DLG2: variants seen among roughly 807,000 people sequenced by gnomAD.
DLG2 encodes discs large MAGUK scaffold protein 2.
Under a neutral mutation model 132.5 loss-of-function variants are expected in DLG2, and 45 were observed. The observed-to-expected ratio is 0.34, with a 90% CI of 0.27 to 0.44. The LOEUF is 0.44. Among genes scored for constraint, DLG2 ranks in the 20% least tolerant of loss-of-function variants. The pLI, the probability that DLG2 is intolerant of heterozygous loss-of-function variation, is 1.00. For synonymous variants in DLG2, 424 were observed against 419.6 expected, an observed-to-expected ratio of 1.01 and a Z score of -0.13; for missense variants, 1,045 against 1,196.9, an observed-to-expected ratio of 0.87 and a Z score of 1.87.
At chr11:85,538,070 C>A (rs1032383973) in intron 3 of DLG2, among the ~76,000 whole-genome samples, 1 of 151,830 alleles carries the variant, frequency 6.6e-6, no homozygotes, top group African/African-American at 2.4e-5. Flanking sequence ...GAGCCGAGAT[C>A]GCGCCACTGC....
intron 3 of DLG2, among the ~76,000 whole-genome samples, chr11:85,478,944 T>C (rs1370517062): frequency 1.3e-5 from 2 of 152,118 alleles, no homozygotes; most frequent in Non-Finnish European, 2.9e-5. Flanking sequence ...AACATAAAAA[T>C]GTTACCCTTA....
At chr11:84,971,956 C>T (rs535147677) in intron 6 of DLG2, among the ~76,000 whole-genome samples, 2 of 152,188 alleles carry the variant, frequency 1.3e-5, no homozygotes, top group African/African-American at 4.8e-5. Flanking sequence ...AGGCACTTTG[C>T]TTCTTGCTGT....
At chr11:85,320,377 G>C (rs758556193) in intron 3 of DLG2, among the ~76,000 whole-genome samples, 1 of 151,682 alleles carries the variant, frequency 6.6e-6, no homozygotes, top group Non-Finnish European at 1.5e-5. Flanking sequence ...TCTAATTCTT[G>C]GTTCAGCACT....
chr11:85,522,075 A>G (rs1238781789), intron 3 of DLG2, among the ~76,000 whole-genome samples: 1 of 152,170 alleles, frequency 6.6e-6, no homozygotes, highest in Non-Finnish European at 1.5e-5. Context: ...AGTCCTTCCC[A>G]TCACAGACCC....
intron 3 of DLG2, among the ~76,000 whole-genome samples, chr11:85,497,088 T>C (rs1178040320): frequency 6.6e-6 from 1 of 152,048 alleles, no homozygotes; most frequent in Non-Finnish European, 1.5e-5. Flanking sequence ...TTTGATGAGT[T>C]GACAGAAGTA....
chr11:83,747,325 T>C (rs1321064017), intron 18 of DLG2, among the ~76,000 whole-genome samples: 1 of 114,868 alleles, frequency 8.7e-6, no homozygotes, highest in Non-Finnish European at 2.0e-5. Context: ...CCTTCCTTCC[T>C]TCCTGCCTTC....
intron 7 of DLG2, among the ~76,000 whole-genome samples, chr11:84,285,184 A>G (rs891697519): frequency 2.0e-5 from 3 of 152,136 alleles, no homozygotes; most frequent in African/African-American, 7.2e-5. Flanking sequence ...CTCAGATATA[A>G]CAGCTCCAAA....
intron 3 of DLG2, among the ~76,000 whole-genome samples, chr11:85,442,665 C>T (rs1293799788): frequency 6.6e-6 from 1 of 151,732 alleles, no homozygotes; most frequent in African/African-American, 2.4e-5. Flanking sequence ...AGTTTGATAC[C>T]AGCCTTGGCA....
chr11:84,123,294 C>T (rs2094011216), intron 9 of DLG2, among the ~76,000 whole-genome samples: 2 of 152,180 alleles, frequency 1.3e-5, no homozygotes, highest in Non-Finnish European at 2.9e-5. Context: ...CAATAAACTA[C>T]TCCTCTTTCA....
At chr11:85,587,946 C>A (rs1362598384) in intron 3 of DLG2, among the ~76,000 whole-genome samples, 1 of 152,182 alleles carries the variant, frequency 6.6e-6, no homozygotes, top group African/African-American at 2.4e-5. Context: ...ATCTCTCCTT[C>A]ATTTATGAAG....
chr11:85,490,846 C>G (rs1191967787), intron 3 of DLG2, among the ~76,000 whole-genome samples: 1 of 151,798 alleles, frequency 6.6e-6, no homozygotes, highest in Admixed American at 6.6e-5. Context: ...ACCAAAAGTA[C>G]AAAGAAAAAC....
At chr11:84,106,979 GGTGTGT>G (rs35530888) in intron 9 of DLG2, among the ~76,000 whole-genome samples, 1 of 105,332 alleles carries the variant, frequency 9.5e-6, no homozygotes, top group African/African-American at 3.7e-5. Flanking sequence ...TTAGCCTTAG[GGTGTGT>G]GTGTGTGTGT....
chr11:83,606,743 C>T (rs1378651077), intron 19 of DLG2, among the ~76,000 whole-genome samples: 4 of 151,864 alleles, frequency 2.6e-5, no homozygotes, highest in Non-Finnish European at 4.4e-5. Flanking sequence ...CTGGCTAATA[C>T]ATTGAAACCC....
intron 6 of DLG2, among the ~76,000 whole-genome samples, chr11:85,103,534 C>T (rs188591257): frequency 8.6e-5 from 13 of 151,930 alleles, no homozygotes; most frequent in African/African-American, 2.6e-4. Flanking sequence ...AATGATGCTG[C>T]GACACTTGGA....
intron 18 of DLG2, among the ~76,000 whole-genome samples, chr11:83,784,447 A>G (rs2094957334): frequency 6.6e-6 from 1 of 152,248 alleles, no homozygotes; most frequent in Non-Finnish European, 1.5e-5. Flanking sequence ...TAAAGCTGCA[A>G]CAGATTAGTA....
intron 6 of DLG2, among the ~76,000 whole-genome samples, chr11:84,664,281 A>AAAAAC (rs952560277): frequency 9.2e-5 from 14 of 152,220 alleles, no homozygotes; most frequent in South Asian, 8.3e-4. Flanking sequence ...TTGGCTCTCA[A>AAAAAC]AAAACAAAAC....
At chr11:84,943,551 A>G (rs960886689) in intron 6 of DLG2, among the ~76,000 whole-genome samples, 4 of 152,290 alleles carry the variant, frequency 2.6e-5, no homozygotes, top group South Asian at 4.1e-4. Flanking sequence ...ATGCCTCGTA[A>G]CATGTTATTT....
Position 85,577,710 on chromosome 11 carries a change from A to T in DLG2, c.40+20947T>A, listed in dbSNP as rs28496705. Among the ~76,000 whole-genome samples the T allele has an allele frequency of 7.7e-3, 1,169 of 152,214 alleles. 16 individuals carry two copies. The highest frequency in any genetic ancestry group is 0.026 in the African/African-American group (1,086 of 41,560). On this transcript the variant is annotated intron_variant, in intron 3 of 27. Transcript: ENST00000376104. ...CCTAAGTACAGAGTATAATTTTTTT[A>T]AAAATGAGGTAAGGAAATCAGAGAT... is the stretch of plus-strand genomic sequence containing the variant.
At chr11:84,608,422 A>T (rs1168595069) in intron 6 of DLG2, among the ~76,000 whole-genome samples, 2 of 152,200 alleles carry the variant, frequency 1.3e-5, no homozygotes, top group African/African-American at 4.8e-5. Flanking sequence ...TCACACACTT[A>T]TCTGCTGAAG....
Sources: allele counts gnomAD v4.1 joint callset (sites outside exome capture counted in the v4.1 genomes callset), GRCh38; gene constraint gnomAD v4.1.1; transcripts MANE v1.5; gene names NCBI Gene and HGNC (gene_info 2026-07-23, HGNC 2026-07-21).